Variants in ITPKB observed in about 807,000 individuals in gnomAD.
ITPKB encodes IP3 3-kinase B.
ITPKB carries 13 observed loss-of-function variants against 69.4 expected under a neutral mutation model. The observed-to-expected ratio is 0.19, with a 90% CI of 0.12 to 0.30. The LOEUF is 0.30. Ranked by LOEUF, ITPKB falls within the 10% of genes least tolerant of loss-of-function variation. The pLI is 1.00. For missense variants in ITPKB, 1,240 were observed against 1,250.5 expected (o/e 0.99, Z 0.13); for synonymous variants, 584 against 513.7 (o/e 1.14, Z -1.85).
intron 2 of ITPKB, among the ~76,000 whole-genome samples, chr1:226,698,085 C>T (rs1656538917): frequency 6.6e-6 from 1 of 152,196 alleles, no homozygotes; most frequent in East Asian, 1.9e-4. Flanking sequence ...GTTTTCTGTC[C>T]CCTAAATGTC....
intron 2 of ITPKB, among the ~76,000 whole-genome samples, chr1:226,679,781 T>C (rs939839572): frequency 6.6e-6 from 1 of 152,238 alleles, no homozygotes; most frequent in African/African-American, 2.4e-5. Context: ...AATGGACATG[T>C]CACAGTTTAA....
intron 2 of ITPKB, among the ~76,000 whole-genome samples, chr1:226,677,994 C>A (rs2102771592): frequency 6.6e-6 from 1 of 152,214 alleles, no homozygotes; most frequent in East Asian, 1.9e-4. Context: ...CGTGCTATAT[C>A]AAGCTTGTAC....
In ITPKB at chr1:226,738,129, C is replaced by T. The variant is rs1657866286; in HGVS notation, c.-205-466G>A. Among the ~76,000 whole-genome samples, 1 of 152,160 alleles carries T rather than the reference C, an allele frequency of 6.6e-6. No individual in the cohort carries two copies. The highest frequency in any genetic ancestry group is 6.5e-5 in the Admixed American group (1 of 15,290). On this transcript the variant is annotated intron_variant, in intron 1 of 7. Coordinates refer to ENST00000429204, the MANE Select transcript of ITPKB (RefSeq NM_002221.4). The surrounding 1 kb of genome is among the most constrained non-coding windows in gnomAD (Gnocchi z 4.2). ...CGCCCTGGGCTTCAGGGTCTCCCTG[C>T]TCCACCCTCTCGGGGCATCAGAGAC... is the stretch of plus-strand genomic sequence containing the variant.
intron 6 of ITPKB, among the ~76,000 whole-genome samples, chr1:226,638,168 C>T (rs1418511971): frequency 1.3e-5 from 2 of 152,332 alleles, no homozygotes; most frequent in African/African-American, 4.8e-5. Flanking sequence ...GCCGGGCCAG[C>T]CGAGCAGCCC....
At chr1:226,657,642 A>G (rs1233889621) in intron 2 of ITPKB, among the ~76,000 whole-genome samples, 1 of 152,232 alleles carries the variant, frequency 6.6e-6, no homozygotes, top group Non-Finnish European at 1.5e-5. Context: ...ACATAGTGTT[A>G]GATACTAATA....
At chr1:226,707,694 A>G (rs1656837110) in intron 2 of ITPKB, 1 of 1,029,160 alleles carries the variant, frequency 9.7e-7, no homozygotes, top group African/African-American at 1.7e-5. Context: ...AAAACTAAAG[A>G]ATTACAAATT....
chr1:226,636,756 G>C (rs1203895337), intron 7 of ITPKB, among the ~76,000 whole-genome samples: 1 of 115,538 alleles, frequency 8.7e-6, no homozygotes, highest in Non-Finnish European at 1.8e-5. Flanking sequence ...GCAGCTCTGT[G>C]TGTGTGTGTG....
chr1:226,735,835 G>C lies in ITPKB; in HGVS notation c.1624C>G (p.Leu542Val). The C allele has an allele frequency of 6.2e-7, 1 of 1,608,582 alleles. No individual in the cohort carries two copies. Among genetic ancestry groups the C allele is most frequent in the Non-Finnish European group, 8.5e-7 (1 of 1,175,712 alleles). The change falls in exon 2 of 8, where the codon CTC (leucine) becomes GTC (valine). Residue 542 changes from leucine (L) to valine (V), a missense_variant. Leu to Val is a conservative substitution (Grantham distance 32). Transcript: ENST00000429204. ...TGGGGTAGCAGCTCCGGACTTGGGA[G>C]GGCATCACTGTCCTGCCGCTGGCTT... ...WESQRQDSDA[L>V]PSPELLPQDP...
At chr1:226,722,879 T>C (rs1243623902) in intron 2 of ITPKB, among the ~76,000 whole-genome samples, 1 of 152,078 alleles carries the variant, frequency 6.6e-6, no homozygotes, top group Non-Finnish European at 1.5e-5. Context: ...TTTGAATAGA[T>C]CATCCTGGAC....
At chr1:226,715,413 A>C (rs1348413106) in intron 2 of ITPKB, among the ~76,000 whole-genome samples, 1 of 152,268 alleles carries the variant, frequency 6.6e-6, no homozygotes, top group Non-Finnish European at 1.5e-5. Flanking sequence ...ATTCTAGTTC[A>C]TTGCGAAGCA....
rs201931708 is a variant in ITPKB, at chr1:226,688,999, CT to C, written c.1933-40229del. Among the ~76,000 whole-genome samples, 1,386 of 152,270 alleles carry C rather than the reference CT, an allele frequency of 9.1e-3. 14 individuals carry two copies. The highest frequency in any genetic ancestry group is 0.015 in the Non-Finnish European group (1,025 of 68,030). On this transcript the variant is annotated intron_variant, in intron 2 of 7. Transcript: ENST00000429204. ...TGGGAGCAAGTTTGCTCTCCGACCT[CT>C]TTAGAGTATTCAGCAGATGGTGATC...
intron 2 of ITPKB, among the ~76,000 whole-genome samples, chr1:226,726,300 G>T (rs1046129658): frequency 6.6e-6 from 1 of 152,190 alleles, no homozygotes; most frequent in Admixed American, 6.5e-5. Flanking sequence ...CAATTAGCCA[G>T]ATGGTCAATA....
intron 2 of ITPKB, among the ~76,000 whole-genome samples, chr1:226,732,540 C>CTTTTTTTTT (rs1174629347): frequency 7.0e-6 from 1 of 142,206 alleles, no homozygotes; most frequent in African/African-American, 2.7e-5. Flanking sequence ...GCCCAGCGTT[C>CTTTTTTTTT]TTTTGTTTTT....
At chr1:226,671,305 C>G (rs547519862) in intron 2 of ITPKB, among the ~76,000 whole-genome samples, 166 of 152,280 alleles carry the variant, frequency 1.1e-3, no homozygotes, top group Non-Finnish European at 1.6e-3. Context: ...TGTGGGAAAC[C>G]CTTCCACAAA....
chr1:226,654,902 G>A (rs1473487209), intron 2 of ITPKB, among the ~76,000 whole-genome samples: 1 of 152,120 alleles, frequency 6.6e-6, no homozygotes, highest in East Asian at 1.9e-4. Context: ...GGGAAGAGGA[G>A]GAAGGAGGAA....
At chr1:226,646,422 G>C (rs1669063940) in intron 4 of ITPKB, among the ~76,000 whole-genome samples, 1 of 152,136 alleles carries the variant, frequency 6.6e-6, no homozygotes. Context: ...GCCGGCCTCA[G>C]GCATCCCTGT....
At chr1:226,712,552 A>T (rs2102638187) in intron 2 of ITPKB, among the ~76,000 whole-genome samples, 1 of 152,318 alleles carries the variant, frequency 6.6e-6, no homozygotes, top group Non-Finnish European at 1.5e-5. Flanking sequence ...GCCGGGAAAC[A>T]AAGACGTTGA....
chr1:226,707,260 A>C, intron 2 of ITPKB: 1 of 246,556 alleles, frequency 4.1e-6, no homozygotes, highest in Non-Finnish European at 6.5e-6. Flanking sequence ...CAGTGGTGCT[A>C]TCTCGGCTCA....
chr1:226,688,829 A>G (rs1436543462), intron 2 of ITPKB, among the ~76,000 whole-genome samples: 1 of 152,252 alleles, frequency 6.6e-6, no homozygotes, highest in Non-Finnish European at 1.5e-5. Context: ...GGGTAGGGAT[A>G]GGGATGGGAA....
Sources: allele counts gnomAD v4.1 joint callset (sites outside exome capture counted in the v4.1 genomes callset), GRCh38; gene constraint gnomAD v4.1.1; non-coding constraint Gnocchi (gnomAD v3.1); transcripts MANE v1.5; gene names NCBI Gene and HGNC (gene_info 2026-07-23, HGNC 2026-07-21).